Variants in SVIL observed in about 807,000 individuals in gnomAD.
The protein encoded by SVIL is archvillin.
In SVIL, 101 loss-of-function variants were observed where a neutral mutation model predicts 240.4. The ratio of observed to expected loss-of-function variants is 0.42; its 90% CI spans 0.36 to 0.50. The LOEUF is 0.50. Ranked by LOEUF, SVIL falls within the 20% of genes least tolerant of loss-of-function variation. The pLI is 0.01. For missense variants in SVIL, 2,512 were observed against 2,818.7 expected (o/e 0.89, Z 2.46); for synonymous variants, 999 against 1,100.0 (o/e 0.91, Z 1.82).
chr10:29,654,303 G>T (rs372819664), intron 3 of SVIL, among the ~76,000 whole-genome samples: 14 of 151,930 alleles, frequency 9.2e-5, no homozygotes, highest in African/African-American at 2.9e-4. Flanking sequence ...CATGCTATTA[G>T]AAAACAAATT....
chr10:29,568,351 G>A (rs1185645934), intron 2 of SVIL, among the ~76,000 whole-genome samples: 1 of 151,870 alleles, frequency 6.6e-6, no homozygotes, highest in Non-Finnish European at 1.5e-5. Flanking sequence ...GAGGACAGGA[G>A]TTAGACCCCT....
At position 29,458,506 on chromosome 10, in the gene SVIL, G is replaced by A. The variant is rs1409202014; in HGVS notation, c.6486C>T (p.Leu2162=). The A allele has an allele frequency of 6.3e-7, 1 of 1,596,830 alleles. No homozygotes were observed. The highest frequency in any genetic ancestry group is 1.1e-5 in the South Asian group (1 of 87,746). Residue 2162 remains leucine (L), a synonymous_variant, in exon 37 of 38, where the codon CTC becomes CTT. Coordinates refer to ENST00000355867, the MANE Select transcript of SVIL (RefSeq NM_021738.3). ...LCKTIYPLAD[L]LARPLPEGVD... ...CCCCCTCCGGGAGTGGCCTGGCCAG[G>A]AGGTCGGCCAGCGGGTAAATGGTTT...
chr10:29,481,469 A>G, intron 28 of SVIL, 115 bp downstream of exon 28: 1 of 1,317,760 alleles, frequency 7.6e-7, no homozygotes, highest in Non-Finnish European at 1.1e-6. Context: ...CAAAGAAATG[A>G]TACATCTGGG....
At chr10:29,682,064 C>T (rs190696067) in intron 2 of SVIL, among the ~76,000 whole-genome samples, 33 of 152,298 alleles carry the variant, frequency 2.2e-4, no homozygotes, top group African/African-American at 7.9e-4. Flanking sequence ...GTGATCCTAG[C>T]TAGTAAAAGG....
intron 6 of SVIL, among the ~76,000 whole-genome samples, chr10:29,544,233 T>C (rs964954308): frequency 2.0e-5 from 3 of 152,182 alleles, no homozygotes; most frequent in African/African-American, 7.2e-5. Flanking sequence ...ACGTTAAGAA[T>C]GGCTATTAAC....
chr10:29,501,615 A>G (rs1948902823), intron 17 of SVIL, among the ~76,000 whole-genome samples: 1 of 152,112 alleles, frequency 6.6e-6, no homozygotes, highest in African/African-American at 2.4e-5. Context: ...TTTCCTAAAA[A>G]CCTGAACATT....
At chr10:29,549,866 C>G (rs1396661022) in intron 6 of SVIL, among the ~76,000 whole-genome samples, 2 of 91,216 alleles carry the variant, frequency 2.2e-5, no homozygotes, top group Non-Finnish European at 4.0e-5. Flanking sequence ...ACTCTGGGGA[C>G]TGTTGTGGGG....
At chr10:29,649,613 A>G (rs1054297316) in intron 3 of SVIL, among the ~76,000 whole-genome samples, 4 of 152,176 alleles carry the variant, frequency 2.6e-5, no homozygotes, top group Non-Finnish European at 4.4e-5. Context: ...AAAAAAATTG[A>G]AGCTCAAATA....
At chr10:29,731,030 G>A (rs1964589442) in intron 1 of SVIL, among the ~76,000 whole-genome samples, 1 of 152,050 alleles carries the variant, frequency 6.6e-6, no homozygotes, top group African/African-American at 2.4e-5. Flanking sequence ...ACCATATAAC[G>A]CCTCTTCTAT....
chr10:29,499,440 G>T (rs1381726747), intron 17 of SVIL, among the ~76,000 whole-genome samples, 177 bp from the exon 18 acceptor site: 1 of 152,238 alleles, frequency 6.6e-6, no homozygotes, highest in Non-Finnish European at 1.5e-5. Flanking sequence ...CGTCCAGGTT[G>T]GGTGGAGATC....
chr10:29,547,628 T>C (rs1952812693), intron 6 of SVIL, among the ~76,000 whole-genome samples: 1 of 152,192 alleles, frequency 6.6e-6, no homozygotes, highest in South Asian at 2.1e-4. Context: ...TTTTTTAATA[T>C]TAAGATTTTA....
intron 16 of SVIL, among the ~76,000 whole-genome samples, chr10:29,514,580 C>T (rs1337365858): frequency 6.6e-6 from 1 of 152,116 alleles, no homozygotes; most frequent in African/African-American, 2.4e-5. Context: ...CAGGTGCTTG[C>T]TATGTTGCCC....
intron 32 of SVIL, 139 bp downstream of exon 32, chr10:29,470,137 G>C: frequency 3.1e-6 from 3 of 957,372 alleles, no homozygotes; most frequent in Non-Finnish European, 4.8e-6. Flanking sequence ...AGAGGCCCCT[G>C]ACCACGTTCC....
rs976078122 is a variant in SVIL at position 29,550,732 on chromosome 10, G to C, written c.692C>G (p.Ser231Cys). 6.2e-7 allele frequency: 1 copy of C among 1,614,060 alleles called. No homozygotes were observed. The highest frequency in any genetic ancestry group is 1.3e-5 in the African/African-American group (1 of 74,924). Residue 231 changes from serine (S) to cysteine (C), a missense_variant, in exon 6 of 38, where the codon TCT becomes TGT. Coordinates refer to ENST00000355867, the MANE Select transcript of SVIL (RefSeq NM_021738.3). ...GAAGGAGGAGTCTCGCCCAGAGAAA[G>C]AGAAGGTCGAGGAACTCTCGGCTGC... ...SPAAESSSTF[S>C]FSGRDSSFTE...
intron 1 of SVIL, among the ~76,000 whole-genome samples, chr10:29,586,278 C>G (rs1956164482): frequency 6.6e-6 from 1 of 152,132 alleles, no homozygotes; most frequent in South Asian, 2.1e-4. Context: ...TCAGTCTACT[C>G]TACATTTTTA....
At chr10:29,705,327 A>G (rs1272479081) in intron 1 of SVIL, among the ~76,000 whole-genome samples, 1 of 152,184 alleles carries the variant, frequency 6.6e-6, no homozygotes, top group African/African-American at 2.4e-5. Flanking sequence ...TGTGAATATT[A>G]CCTGACACGG....
chr10:29,494,470 T>C (rs1948247905), intron 20 of SVIL, among the ~76,000 whole-genome samples: 1 of 152,252 alleles, frequency 6.6e-6, no homozygotes, highest in African/African-American at 2.4e-5. Flanking sequence ...TTTTGCATAT[T>C]GCTCTTTTAT....
intron 17 of SVIL, among the ~76,000 whole-genome samples, chr10:29,506,300 C>T (rs1949268222): frequency 6.6e-6 from 1 of 152,026 alleles, no homozygotes; most frequent in African/African-American, 2.4e-5. Context: ...CATTTCAGCC[C>T]CTTTCTTGGG....
chr10:29,610,160 A>G (rs1428776463), intron 1 of SVIL, among the ~76,000 whole-genome samples: 2 of 152,060 alleles, frequency 1.3e-5, no homozygotes, highest in Non-Finnish European at 2.9e-5. Context: ...GAGTTCTTGC[A>G]GATCTCTATC....
Sources: gnomAD v4.1 joint callset for allele counts (sites outside exome capture counted in the v4.1 genomes callset) on GRCh38, gnomAD v4.1.1 for gene constraint, MANE v1.5 for transcripts, NCBI Gene and HGNC (gene_info 2026-07-23, HGNC 2026-07-21) for gene names.